The following KALRN variants were observed in gnomAD, a reference collection of about 807,000 sequenced individuals.
KALRN encodes the protein kalirin RhoGEF kinase.
Under a neutral mutation model 353.7 loss-of-function variants are expected in KALRN, and 70 were observed. The ratio of observed to expected loss-of-function variants is 0.20; its 90% CI spans 0.16 to 0.24. The LOEUF (loss-of-function observed/expected upper bound fraction) is 0.24, where lower values mean the gene tolerates loss of function less well. Among genes scored for constraint, KALRN ranks in the 10% least tolerant of loss-of-function variants. The probability of loss-of-function intolerance (pLI) is 1.00; values close to 1 mark genes in which losing one functional copy is unlikely to be tolerated. For missense variants in KALRN, 2,791 were observed against 3,756.7 expected, an observed-to-expected ratio of 0.74 and a Z score of 6.72; for synonymous variants, 1,391 against 1,434.8, an observed-to-expected ratio of 0.97 and a Z score of 0.69.
intron 1 of KALRN, among the ~76,000 whole-genome samples, chr3:124,106,797 A>G (rs890112623): frequency 3.9e-5 from 6 of 152,188 alleles, no homozygotes; most frequent in African/African-American, 1.4e-4. Flanking sequence ...TCTTTCCATT[A>G]TATTCCCCGA....
chr3:124,202,921 T>C (rs887171182), intron 1 of KALRN, among the ~76,000 whole-genome samples: 30 of 152,170 alleles, frequency 2.0e-4, no homozygotes, highest in African/African-American at 7.2e-4. Context: ...TCATTTGCAG[T>C]GTGTCGTGCC....
At chr3:124,245,673 A>G (rs58710955) in intron 3 of KALRN, among the ~76,000 whole-genome samples, 50,989 of 147,990 alleles carry the variant, frequency 0.34, 9,903 homozygotes, top group East Asian at 0.68. Context: ...TTTTTTTGTC[A>G]TTGTTGTTGT....
chr3:124,510,691 A>T (rs904333767), intron 33 of KALRN, among the ~76,000 whole-genome samples: 4 of 151,820 alleles, frequency 2.6e-5, no homozygotes, highest in Non-Finnish European at 5.9e-5. Flanking sequence ...TCAACTCAGC[A>T]CCTCTTCTCT....
chr3:124,685,081 T>C (rs1258257655), intron 51 of KALRN, among the ~76,000 whole-genome samples: 1 of 152,208 alleles, frequency 6.6e-6, no homozygotes, highest in East Asian at 1.9e-4. Flanking sequence ...GTGTGTCCAC[T>C]GATGCCTGGT....
At chr3:124,355,640 C>G (rs1406976280) in intron 10 of KALRN, among the ~76,000 whole-genome samples, 2 of 151,580 alleles carry the variant, frequency 1.3e-5, no homozygotes, top group African/African-American at 4.8e-5. Context: ...TGTGCTTCGT[C>G]CCACTGGAGG....
rs2067243353 is a variant in KALRN, at chr3:124,522,484, A to T, written c.4935+26071A>T. 3.9e-5 allele frequency among the ~76,000 whole-genome samples: 6 copies of T among 152,076 alleles called. No homozygotes were observed. In the South Asian group the frequency reaches 1.0e-3, roughly 26 times the overall value. The stretch of plus-strand genomic sequence containing the variant: ...GCTGCTTCCTACTCCTTACAGAAAA[A>T]GGAAAAGAAAAAAAAAGCTTCTCAT... On this transcript the variant is annotated intron_variant, in intron 33 of 59. Transcript: ENST00000682506.
intron 9 of KALRN, among the ~76,000 whole-genome samples, chr3:124,342,947 A>C (rs1240973822): frequency 6.6e-6 from 1 of 152,220 alleles, no homozygotes; most frequent in African/African-American, 2.4e-5. Flanking sequence ...TATTCAAGAC[A>C]TGCCCCTGGG....
At chr3:124,485,588 T>A (rs1469240302) in intron 28 of KALRN, among the ~76,000 whole-genome samples, 1 of 152,180 alleles carries the variant, frequency 6.6e-6, no homozygotes. Flanking sequence ...TTTATTTTTT[T>A]AAGAAAATAG....
intron 1 of KALRN, among the ~76,000 whole-genome samples, chr3:124,046,983 CTTTT>C (rs201245508): frequency 8.6e-6 from 1 of 116,920 alleles, no homozygotes; most frequent in Admixed American, 8.8e-5. Context: ...GGAAATGTAT[CTTTT>C]TTTTTTTTTT....
intron 17 of KALRN, among the ~76,000 whole-genome samples, chr3:124,438,662 C>T (rs1037247245): frequency 6.8e-6 from 1 of 147,634 alleles, no homozygotes; most frequent in East Asian, 2.5e-4. Flanking sequence ...GTAATGTCAT[C>T]AACTCCCATA....
chr3:124,505,747 C>T (rs2065141089), intron 33 of KALRN, among the ~76,000 whole-genome samples: 1 of 152,224 alleles, frequency 6.6e-6, no homozygotes. Flanking sequence ...GAAGCTGTGG[C>T]TCTGCTTTCG....
At chr3:124,456,853 C>T in intron 23 of KALRN, 125 bp downstream of exon 23, 1 of 602,514 alleles carries the variant, frequency 1.7e-6, no homozygotes. Context: ...GATGGACAGA[C>T]ATAATGTTTG....
intron 13 of KALRN, among the ~76,000 whole-genome samples, chr3:124,406,891 G>A (rs1188228172): frequency 6.7e-6 from 1 of 149,042 alleles, no homozygotes; most frequent in African/African-American, 2.5e-5. Context: ...GAGTGCAGTG[G>A]CATGATCTCG....
At chr3:124,514,068 G>A (rs1305414118) in intron 33 of KALRN, among the ~76,000 whole-genome samples, 1 of 152,118 alleles carries the variant, frequency 6.6e-6, no homozygotes, top group Non-Finnish European at 1.5e-5. Context: ...GTGTTTCATG[G>A]TATTAATTTA....
chr3:124,540,039 A>G (rs2068876668), intron 33 of KALRN, among the ~76,000 whole-genome samples: 2 of 151,980 alleles, frequency 1.3e-5, no homozygotes, highest in African/African-American at 4.8e-5. Flanking sequence ...CCTCCCGATT[A>G]GCTGGGATTA....
At chr3:124,563,790 T>C (rs558186500) in intron 34 of KALRN, among the ~76,000 whole-genome samples, 1 of 151,988 alleles carries the variant, frequency 6.6e-6, no homozygotes, top group Non-Finnish European at 1.5e-5. Flanking sequence ...TGGGAACCTG[T>C]TAGAAATGCA....
chr3:124,450,895 A>G (rs1334018343), intron 21 of KALRN, among the ~76,000 whole-genome samples: 2 of 152,150 alleles, frequency 1.3e-5, no homozygotes, highest in African/African-American at 2.4e-5. Context: ...TATAGTTCAT[A>G]TGTGATGGAA....
chr3:124,129,993 T>C (rs1303204624), intron 1 of KALRN, among the ~76,000 whole-genome samples: 1 of 152,244 alleles, frequency 6.6e-6, no homozygotes, highest in Non-Finnish European at 1.5e-5. Context: ...TATTGTTTGA[T>C]AACTGATTAA....
chr3:124,519,914 C>A, intron 33 of KALRN: 1 of 980,842 alleles, frequency 1.0e-6, no homozygotes, highest in Non-Finnish European at 1.2e-6. Flanking sequence ...TAATTCTCTG[C>A]CAAGAACCCT....
Sources: gnomAD v4.1 joint callset for allele counts (sites outside exome capture counted in the v4.1 genomes callset) on GRCh38, gnomAD v4.1.1 for gene constraint, MANE v1.5 for transcripts, NCBI Gene and HGNC (gene_info 2026-07-23, HGNC 2026-07-21) for gene names.